Variants in KMT2C observed in about 807,000 individuals in gnomAD.
KMT2C encodes the protein histone-lysine N-methyltransferase 2C.
A neutral mutation model predicts 507.9 loss-of-function variants in KMT2C; 88 were observed. The observed-to-expected ratio is 0.17, with a 90% CI of 0.15 to 0.21. The LOEUF (loss-of-function observed/expected upper bound fraction) is 0.21. Ranked by LOEUF, KMT2C falls within the 10% of genes least tolerant of loss-of-function variation. KMT2C has a pLI of 1.00. For missense variants in KMT2C, 4,954 were observed against 5,957.8 expected, an observed-to-expected ratio of 0.83 and a Z score of 5.55; for synonymous variants, 2,049 against 2,080.8, an observed-to-expected ratio of 0.98 and a Z score of 0.42.
At chr7:152,336,444 A>G (rs1417323204) in intron 2 of KMT2C, among the ~76,000 whole-genome samples, 1 of 152,158 alleles carries the variant, frequency 6.6e-6, no homozygotes, top group Admixed American at 6.6e-5. Context: ...GATGTCAACC[A>G]GGGATCCAAC....
intron 9 of KMT2C, among the ~76,000 whole-genome samples, chr7:152,257,077 A>G (rs1471907728): frequency 1.3e-5 from 2 of 152,220 alleles, no homozygotes; most frequent in African/African-American, 4.8e-5. Context: ...AAAATCATTT[A>G]TAATGCAAAA....
chr7:152,305,881 T>C (rs140618023), intron 6 of KMT2C, among the ~76,000 whole-genome samples: 405 of 152,286 alleles, frequency 2.7e-3, no homozygotes, highest in Non-Finnish European at 3.9e-3. Context: ...CTGGTTCCTT[T>C]CATTGAAGAG....
chr7:152,346,431 T>C (rs1282292671), intron 2 of KMT2C, among the ~76,000 whole-genome samples: 1 of 152,230 alleles, frequency 6.6e-6, no homozygotes, highest in African/African-American at 2.4e-5. Flanking sequence ...AACAGAAAGA[T>C]AGCTTAAAAT....
At chr7:152,200,667 T>C (rs1306370383) in intron 26 of KMT2C, among the ~76,000 whole-genome samples, 1 of 152,138 alleles carries the variant, frequency 6.6e-6, no homozygotes, top group Admixed American at 6.5e-5. Context: ...AAGGCAGAGG[T>C]TGCAGTGAGC....
At chr7:152,195,546 C>T (rs1017160674) in intron 28 of KMT2C, 6 of 985,152 alleles carry the variant, frequency 6.1e-6, no homozygotes, top group Non-Finnish European at 7.2e-6. Flanking sequence ...GAGCTCTCAA[C>T]CTGGAAAGTG....
At chr7:152,193,978 T>C (rs376287319) in intron 31 of KMT2C, 31 bp downstream of exon 31, 7 of 1,499,724 alleles carry the variant, frequency 4.7e-6, no homozygotes, top group Non-Finnish European at 6.2e-6. Flanking sequence ...TGTGTGTGAA[T>C]ATAATGTAGA....
At chr7:152,141,397 T>C (rs999538289) in intron 55 of KMT2C, among the ~76,000 whole-genome samples, 2 of 151,942 alleles carry the variant, frequency 1.3e-5, no homozygotes, top group African/African-American at 4.8e-5. Context: ...ATTCAGTTTA[T>C]AGTCAAGATT....
At chr7:152,347,132 A>T (rs928721547) in intron 2 of KMT2C, among the ~76,000 whole-genome samples, 8 of 152,208 alleles carry the variant, frequency 5.3e-5, no homozygotes, top group African/African-American at 1.7e-4. Context: ...AAAGAAAAGA[A>T]AAGAAAATCA....
At position 152,162,720 on chromosome 7, in the gene KMT2C, G is replaced by C. The variant is rs777100724; in HGVS notation, c.10857C>G (p.Thr3619=). The C allele has an allele frequency of 6.2e-7, 1 of 1,614,122 alleles. No homozygotes were observed. Among genetic ancestry groups the C allele is most frequent in the East Asian group, 2.2e-5 (1 of 44,878 alleles). The part of the protein sequence containing the change: ...KKKRDDDAES[T]KAPSTPHSDI... ...CTGAATGGGGAGTTGATGGAGCCTT[G>C]GTGGATTCTGCATCATCATCTCTTT... The change falls in exon 43 of 59, where the codon ACC becomes ACG. Residue 3619 remains threonine, a synonymous_variant. Coordinates refer to ENST00000262189, the MANE Select transcript of KMT2C (RefSeq NM_170606.3).
At chr7:152,180,224 T>C in intron 36 of KMT2C, 98 bp from the exon 37 acceptor site, 1 of 1,316,964 alleles carries the variant, frequency 7.6e-7, no homozygotes, top group Non-Finnish European at 1.1e-6. Context: ...TCTTGCTATG[T>C]TGCCCAGGCT....
Position 152,297,064 on chromosome 7 carries a change from AG to A in KMT2C, c.849+12901del, listed in dbSNP as rs1563767844. ...AAGAAAGAAAGAAAGACAGAGAGAG[AG>A]AGAGAGAGAGAGAGAGAGAGAGAGA... On this transcript the variant is annotated intron_variant, in intron 6 of 58. Coordinates refer to ENST00000262189, the MANE Select transcript of KMT2C (RefSeq NM_170606.3). Among the ~76,000 whole-genome samples, 361 of 114,608 alleles carry A rather than the reference AG, an allele frequency of 3.1e-3. 3 individuals are homozygous for A. Among genetic ancestry groups the A allele is most frequent in the African/African-American group, 0.016 (345 of 21,670 alleles). The allele number at this position is 114,608 out of a possible 152,430, so 75.2% of individuals were successfully genotyped here. A position where few individuals can be genotyped will look rare whatever the true frequency, so the allele number is the denominator to read the frequency against.
intron 37 of KMT2C, among the ~76,000 whole-genome samples, chr7:152,178,331 TG>T (rs751660356): frequency 6.6e-5 from 10 of 152,114 alleles, no homozygotes; most frequent in Non-Finnish European, 1.2e-4. Context: ...ACAATACTAC[TG>T]GACTTTTTCA....
rs189097083 is a variant in KMT2C at position 152,262,306 on chromosome 7, C to T, written c.1299+710G>A. On this transcript the variant is annotated intron_variant, in intron 9 of 58. Coordinates refer to ENST00000262189, the MANE Select transcript of KMT2C (RefSeq NM_170606.3). ...GCCCTCTCCAGCTCCAGGAAAAACC[C>T]GCTCCAGGCCCATGCAGCACCTGAG... 6.6e-5 allele frequency among the ~76,000 whole-genome samples: 10 copies of T among 152,298 alleles called. No homozygotes were observed. The East Asian group carries it at 9.7e-4, about 15-fold the overall frequency.
chr7:152,155,988 G>A lies in KMT2C; in HGVS notation c.11882C>T (p.Ala3961Val), dbSNP rs1406201769. The change falls in exon 46 of 59, where the codon GCT (alanine) becomes GTT (valine). Residue 3961 changes from alanine to valine, a missense_variant. Physicochemically the swap from Ala to Val is moderately conservative, Grantham distance 64. This residue lies in a region of KMT2C where 104 missense variants were observed against 134.3 expected (regional missense o/e 0.77). Coordinates refer to ENST00000262189, the MANE Select transcript of KMT2C (RefSeq NM_170606.3). ...FRPQDDLLAR[A>V]LAQGPKTVDV... is the part of the protein sequence containing the mutation. ...AACTGTCTTGGGGCCCTGAGCAAGAGCTCGGGCCAACAAGTCGTCCTGGGG... is the reference window on the plus strand; with the variant it reads ...AACTGTCTTGGGGCCCTGAGCAAGAACTCGGGCCAACAAGTCGTCCTGGGG... 1 of 1,610,780 alleles carries A rather than the reference G, an allele frequency of 6.2e-7. No individual in the cohort carries two copies. Among genetic ancestry groups the A allele is most frequent in the South Asian group, 1.1e-5 (1 of 90,442 alleles).
intron 3 of KMT2C, among the ~76,000 whole-genome samples, chr7:152,325,070 C>T (rs190847502): frequency 4.8e-4 from 73 of 151,952 alleles, no homozygotes; most frequent in Non-Finnish European, 8.8e-4. Context: ...AAATATTTTT[C>T]CCTTTTCTGT....
At position 152,179,853 on chromosome 7, in the gene KMT2C, T is replaced by C; in HGVS notation, c.7423A>G (p.Met2475Val). Residue 2475 changes from methionine to valine, a missense_variant, in exon 37 of 59, where the codon ATG (methionine) becomes GTG (valine). Met to Val is a conservative substitution (Grantham distance 21, BLOSUM62 1). Around this residue, in one of 29 missense-constraint regions of KMT2C, gnomAD observed 1,689 missense variants for 1,654.3 expected, o/e 1.02. Transcript: ENST00000262189. The stretch of plus-strand genomic sequence containing the variant: ...CATTACCTAAATCCATGAGGTCTCA[T>C]CCCCATACTAGCAACATCAGGAGGA... ...PYPPDVASMG[M>V]RPHGFRFGFP... The C allele has an allele frequency of 1.9e-6, 3 of 1,613,880 alleles. No individual in the cohort carries two copies. The highest frequency in any genetic ancestry group is 2.5e-6 in the Non-Finnish European group (3 of 1,179,898).
chr7:152,249,696 A>G (rs1452439943), intron 13 of KMT2C, among the ~76,000 whole-genome samples, 180 bp downstream of exon 13: 1 of 149,404 alleles, frequency 6.7e-6, no homozygotes, highest in Non-Finnish European at 1.5e-5. Context: ...AAAAAAAAAA[A>G]AAACCTTTCA....
intron 1 of KMT2C, among the ~76,000 whole-genome samples, chr7:152,366,131 G>C (rs956979955): frequency 1.3e-5 from 2 of 152,184 alleles, no homozygotes; most frequent in African/African-American, 4.8e-5. Context: ...TGAAACACTA[G>C]TGCACAGGTG....
intron 49 of KMT2C, among the ~76,000 whole-genome samples, chr7:152,151,954 A>G (rs769993986): frequency 6.6e-6 from 1 of 152,252 alleles, no homozygotes; most frequent in Non-Finnish European, 1.5e-5. Context: ...AGATACAATG[A>G]CATATGTATA....
Sources: gnomAD v4.1 joint callset for allele counts (sites outside exome capture counted in the v4.1 genomes callset) on GRCh38, gnomAD v4.1.1 for gene constraint, gnomAD v4.1.1 regional missense constraint, MANE v1.5 for transcripts, NCBI Gene and HGNC (gene_info 2026-07-23, HGNC 2026-07-21) for gene names.